Variants in KLHL2 observed in about 807,000 individuals in gnomAD.
KLHL2 encodes the protein kelch like family member 2.
Under a neutral mutation model 75.8 loss-of-function variants are expected in KLHL2, and 15 were observed. The ratio of observed to expected loss-of-function variants is 0.20; its 90% confidence interval spans 0.13 to 0.30. The LOEUF (loss-of-function observed/expected upper bound fraction) is 0.30. Among genes scored for constraint, KLHL2 ranks in the 10% least tolerant of loss-of-function variants. The pLI is 1.00. For missense variants in KLHL2, 381 were observed against 741.0 expected (o/e 0.51, Z 5.64); for synonymous variants, 214 against 251.9 (o/e 0.85, Z 1.42).
At chr4:165,217,450 C>CT in intron 1 of KLHL2, among the ~76,000 whole-genome samples, 1 of 152,274 alleles carries the variant, frequency 6.6e-6, no homozygotes, top group Non-Finnish European at 1.5e-5. Context: ...CTGGGTGTAA[C>CT]TAATTCCCTA....
chr4:165,207,913 G>T lies in KLHL2; in HGVS notation c.26+11G>T, dbSNP rs751284769. On this transcript the variant is annotated intron_variant, in intron 1 of 14. Transcript: ENST00000226725. This position sits in a 1 kb window ranked among gnomAD's most constrained non-coding sequence, Gnocchi z 4.2. The stretch of plus-strand genomic sequence containing the variant: ...GCCGCTGCCTCCCGCGTGAGTGAGC[G>T]GGCGGGCGGGCTGCGCCGCTGCGGA... 9.3e-5 allele frequency: 132 copies of T among 1,412,504 alleles called. 2 individuals carry two copies. The Admixed American group carries it at 2.4e-3, about 26-fold the overall frequency. The allele number at this position is 1,412,504 out of a possible 1,614,324, so 87.5% of individuals were successfully genotyped here. A position where few individuals can be genotyped will look rare whatever the true frequency, so the allele number is the denominator to read the frequency against.
chr4:165,252,899 C>T (rs925500692), intron 4 of KLHL2, among the ~76,000 whole-genome samples: 1 of 152,126 alleles, frequency 6.6e-6, no homozygotes, highest in African/African-American at 2.4e-5. Context: ...TACAGCTGTC[C>T]CTCAGTATCT....
intron 4 of KLHL2, among the ~76,000 whole-genome samples, chr4:165,251,117 A>G (rs1740666929): frequency 2.0e-5 from 3 of 151,014 alleles, no homozygotes; most frequent in African/African-American, 4.9e-5. Flanking sequence ...CTTGGAAAAC[A>G]CAGGTTAAAA....
At chr4:165,283,850 C>T (rs546066246) in intron 5 of KLHL2, among the ~76,000 whole-genome samples, 1 of 152,216 alleles carries the variant, frequency 6.6e-6, no homozygotes, top group Non-Finnish European at 1.5e-5. Context: ...CATTTTCATA[C>T]ATCTGAAATC....
chr4:165,256,323 T>A (rs1741165379), intron 4 of KLHL2, among the ~76,000 whole-genome samples: 1 of 152,232 alleles, frequency 6.6e-6, no homozygotes, highest in Non-Finnish European at 1.5e-5. Flanking sequence ...AAAAAGCTTT[T>A]TTTTCCCCGT....
intron 5 of KLHL2, among the ~76,000 whole-genome samples, 192 bp from the exon 6 acceptor site, chr4:165,294,167 A>G (rs936283126): frequency 2.0e-5 from 3 of 152,208 alleles, no homozygotes; most frequent in African/African-American, 4.8e-5. Flanking sequence ...TGTATAAACA[A>G]ATCACTGAAG....
intron 1 of KLHL2, among the ~76,000 whole-genome samples, chr4:165,217,424 C>T (rs992478392): frequency 1.2e-4 from 18 of 152,260 alleles, no homozygotes; most frequent in Admixed American, 7.2e-4. Context: ...CTTATCAGTG[C>T]TTTTCCTTTC....
intron 5 of KLHL2, among the ~76,000 whole-genome samples, chr4:165,268,169 A>AT (rs1198102761): frequency 6.6e-6 from 1 of 151,930 alleles, no homozygotes; most frequent in Non-Finnish European, 1.5e-5. Flanking sequence ...CCCCGTTATC[A>AT]TTTTTTTATT....
chr4:165,298,939 G>GCCCCCC (rs536962387), intron 7 of KLHL2, among the ~76,000 whole-genome samples: 1 of 101,626 alleles, frequency 9.8e-6, no homozygotes, highest in Admixed American at 1.1e-4. Context: ...CCTTCCCCCC[G>GCCCCCC]CCCCCCCTCC....
At chr4:165,260,443 G>A (rs1037058090) in intron 4 of KLHL2, among the ~76,000 whole-genome samples, 7 of 152,110 alleles carry the variant, frequency 4.6e-5, no homozygotes, top group Admixed American at 6.5e-5. Flanking sequence ...GCCCCTTCCA[G>A]ATAGGAGAAT....
intron 9 of KLHL2, 67 bp downstream of exon 9, chr4:165,305,792 AT>A: frequency 9.6e-7 from 1 of 1,041,594 alleles, no homozygotes; most frequent in Non-Finnish European, 1.5e-6. Flanking sequence ...TTCAGGTCTT[AT>A]TTTATTAATT....
intron 1 of KLHL2, among the ~76,000 whole-genome samples, chr4:165,217,038 A>G (rs1737594782): frequency 6.6e-6 from 1 of 152,178 alleles, no homozygotes; most frequent in Non-Finnish European, 1.5e-5. Context: ...AAGCAAATAT[A>G]AACACTCCTG....
intron 5 of KLHL2, among the ~76,000 whole-genome samples, chr4:165,281,358 C>G (rs1743666256): frequency 6.6e-6 from 1 of 150,760 alleles, no homozygotes; most frequent in African/African-American, 2.5e-5. Context: ...CTCTGTCACC[C>G]AGGCTGGAGT....
At chr4:165,253,313 T>C (rs1282656985) in intron 4 of KLHL2, among the ~76,000 whole-genome samples, 9 of 152,192 alleles carry the variant, frequency 5.9e-5, no homozygotes, top group Non-Finnish European at 1.3e-4. Context: ...GGATTACAGA[T>C]GTGAGGCACT....
At chr4:165,314,332 T>C (rs1176074711) in intron 13 of KLHL2, among the ~76,000 whole-genome samples, 166 bp downstream of exon 13, 1 of 152,198 alleles carries the variant, frequency 6.6e-6, no homozygotes, top group Non-Finnish European at 1.5e-5. Flanking sequence ...GTAATAATCC[T>C]ATAAAGTGAA....
chr4:165,260,444 A>G (rs1741562548), intron 4 of KLHL2, among the ~76,000 whole-genome samples: 1 of 152,172 alleles, frequency 6.6e-6, no homozygotes. Flanking sequence ...CCCCTTCCAG[A>G]TAGGAGAATC....
At chr4:165,310,514 G>A in intron 9 of KLHL2, 39 bp from the exon 10 acceptor site, 1 of 1,545,986 alleles carries the variant, frequency 6.5e-7, no homozygotes, top group Non-Finnish European at 8.9e-7. Context: ...TGGTAGTTGA[G>A]TTGCATGTTG....
Position 165,233,194 on chromosome 4 carries a change from G to A in KLHL2, c.259+4281G>A, listed in dbSNP as rs552096381. Among the ~76,000 whole-genome samples, 26 of 152,318 alleles carry A rather than the reference G, an allele frequency of 1.7e-4. No individual in the cohort carries two copies. In the South Asian group the frequency reaches 5.0e-3, roughly 29 times the overall value. Reference sequence around the variant, plus strand: ...TTTGAGTAGAGAAGGGAAGTGAAAAGTAATTCTGTGAAGTAGTCACAGGGT... The same window carrying A: ...TTTGAGTAGAGAAGGGAAGTGAAAAATAATTCTGTGAAGTAGTCACAGGGT... On this transcript the variant is annotated intron_variant, in intron 3 of 14. Transcript: ENST00000226725.
chr4:165,226,310 T>C (rs545550237), intron 2 of KLHL2, among the ~76,000 whole-genome samples: 1 of 152,312 alleles, frequency 6.6e-6, no homozygotes, highest in East Asian at 1.9e-4. Context: ...CAGTTCCGCA[T>C]TCTGCTTTGC....
Sources: gnomAD v4.1 joint callset for allele counts (sites outside exome capture counted in the v4.1 genomes callset) on GRCh38, gnomAD v4.1.1 for gene constraint, Gnocchi (gnomAD v3.1) non-coding constraint, MANE v1.5 for transcripts, NCBI Gene and HGNC (gene_info 2026-07-23, HGNC 2026-07-21) for gene names.